The following XXYLT1 variants were observed in gnomAD, a reference collection of about 807,000 sequenced individuals.
XXYLT1 encodes UDP-xylose:alpha-xyloside alpha-1,3-xylosyltransferase.
Under a neutral mutation model 28.9 loss-of-function variants are expected in XXYLT1, and 20 were observed. That is an observed-to-expected ratio of 0.69 (90% CI 0.49 to 1.00). The LOEUF is 1.00. Among genes scored for constraint, XXYLT1 ranks in the 50% least tolerant of loss-of-function variants. XXYLT1 has a pLI of 0.00. For synonymous variants in XXYLT1, 257 were observed against 253.8 expected, an observed-to-expected ratio of 1.01 and a Z score of -0.12; for missense variants, 542 against 560.1, an observed-to-expected ratio of 0.97 and a Z score of 0.33.
At chr3:195,182,323 G>A (rs1721992880) in intron 2 of XXYLT1, among the ~76,000 whole-genome samples, 1 of 152,170 alleles carries the variant, frequency 6.6e-6, no homozygotes, top group South Asian at 2.1e-4. Context: ...AACTGTCACT[G>A]CTGCTGCTGC....
At chr3:195,175,216 A>G (rs1025427021) in intron 2 of XXYLT1, among the ~76,000 whole-genome samples, 8 of 152,172 alleles carry the variant, frequency 5.3e-5, no homozygotes, top group African/African-American at 1.4e-4. Flanking sequence ...CACAGGCAGT[A>G]ATGCTCGGCC....
At chr3:195,093,714 T>TAAAA in intron 3 of XXYLT1, 1 of 151,972 alleles carries the variant, frequency 6.6e-6, no homozygotes, top group African/African-American at 2.4e-5. Flanking sequence ...AATAAATAAA[T>TAAAA]AAAATTAGAT....
rs183568146 is a variant in XXYLT1, at chr3:195,101,893, A to C, written c.786-31782T>G. On this transcript the variant is annotated intron_variant, in intron 3 of 3. Transcript: ENST00000310380. ...AGGAAACAGAAAAAAAGGAAGAAAC[A>C]AAGAGGAACGGAGGAAAGGAGGAAA... Among the ~76,000 whole-genome samples the C allele has an allele frequency of 5.6e-3, 755 of 135,212 alleles. 6 individuals carry two copies. Among genetic ancestry groups the C allele is most frequent in the African/African-American group, 0.02 (722 of 36,232 alleles). 88.7% of individuals were successfully genotyped at this position (135,212 alleles called of 152,430 possible).
At chr3:195,238,675 C>T (rs569569513) in intron 1 of XXYLT1, among the ~76,000 whole-genome samples, 21 of 152,276 alleles carry the variant, frequency 1.4e-4, no homozygotes, top group African/African-American at 4.1e-4. Flanking sequence ...ACATTGAGCC[C>T]GGGGGTTGCC....
At chr3:195,114,236 C>T (rs1185312053) in intron 3 of XXYLT1, among the ~76,000 whole-genome samples, 1 of 152,214 alleles carries the variant, frequency 6.6e-6, no homozygotes, top group Non-Finnish European at 1.5e-5. Context: ...GGGTGGCCCC[C>T]TTCTCGCTCC....
intron 2 of XXYLT1, among the ~76,000 whole-genome samples, chr3:195,208,421 C>T (rs1442748843): frequency 2.6e-5 from 4 of 152,114 alleles, no homozygotes; most frequent in Non-Finnish European, 5.9e-5. Context: ...AGAGGCCCAG[C>T]TGGCTGCGTG....
intron 1 of XXYLT1, chr3:195,270,210 G>C: frequency 1.8e-6 from 1 of 549,814 alleles, no homozygotes; most frequent in South Asian, 1.6e-5. Flanking sequence ...CAAAAACTGA[G>C]GAACATAAAC....
intron 3 of XXYLT1, among the ~76,000 whole-genome samples, chr3:195,083,836 G>A (rs1715574768): frequency 6.6e-6 from 1 of 152,076 alleles, no homozygotes; most frequent in African/African-American, 2.4e-5. Context: ...GACCAGCCCG[G>A]CCAACACAGC....
chr3:195,101,592 A>G (rs745855284), intron 3 of XXYLT1, among the ~76,000 whole-genome samples: 1 of 152,196 alleles, frequency 6.6e-6, no homozygotes, highest in African/African-American at 2.4e-5. Context: ...AGCTCTAATT[A>G]ACATATTTCC....
intron 3 of XXYLT1, among the ~76,000 whole-genome samples, chr3:195,071,760 A>C (rs1714828635): frequency 6.6e-6 from 1 of 152,060 alleles, no homozygotes; most frequent in Non-Finnish European, 1.5e-5. Flanking sequence ...CCAGGTTATA[A>C]AGCAGCTAAA....
chr3:195,121,747 G>A (rs758262891), intron 3 of XXYLT1, among the ~76,000 whole-genome samples: 1 of 152,116 alleles, frequency 6.6e-6, no homozygotes, highest in East Asian at 1.9e-4. Flanking sequence ...TCGCCAGGTC[G>A]GGGACTCAGG....
At chr3:195,175,878 G>C in intron 2 of XXYLT1, 1 of 1,408,678 alleles carries the variant, frequency 7.1e-7, no homozygotes, top group East Asian at 2.6e-5. Context: ...CATCCAGTGT[G>C]ACATTTGTGT....
At chr3:195,182,531 G>T (rs56283237) in intron 2 of XXYLT1, among the ~76,000 whole-genome samples, 17,322 of 152,096 alleles carry the variant, frequency 0.11, 1,289 homozygotes, top group African/African-American at 0.22. Flanking sequence ...CTCACTAGAC[G>T]AGCACAGTGT....
At chr3:195,070,383 C>T (rs536612904) in intron 3 of XXYLT1, among the ~76,000 whole-genome samples, 1 of 152,104 alleles carries the variant, frequency 6.6e-6, no homozygotes, top group South Asian at 2.1e-4. Flanking sequence ...CCATACTAGA[C>T]CGGCTTACTT....
intron 2 of XXYLT1, among the ~76,000 whole-genome samples, chr3:195,217,210 T>G (rs1187170036): frequency 5.7e-5 from 2 of 34,824 alleles, no homozygotes; most frequent in Non-Finnish European, 8.4e-5. Context: ...AATATCATAC[T>G]GAATGGGCAA....
At chr3:195,109,293 C>T (rs534036309) in intron 3 of XXYLT1, among the ~76,000 whole-genome samples, 3 of 152,242 alleles carry the variant, frequency 2.0e-5, no homozygotes, top group East Asian at 1.9e-4. Flanking sequence ...GGCACACTCT[C>T]GAGAAGGCGG....
intron 1 of XXYLT1, among the ~76,000 whole-genome samples, chr3:195,232,845 G>C (rs1724359233): frequency 6.6e-6 from 1 of 152,212 alleles, no homozygotes; most frequent in South Asian, 2.1e-4. Context: ...AGAAGAATGT[G>C]TATTCTGCAA....
chr3:195,184,994 C>G (rs1722113474), intron 2 of XXYLT1, among the ~76,000 whole-genome samples: 1 of 151,994 alleles, frequency 6.6e-6, no homozygotes, highest in Non-Finnish European at 1.5e-5. Context: ...TCAGGAGGGC[C>G]TGGCACCCCT....
At chr3:195,130,906 G>A (rs998218350) in intron 3 of XXYLT1, among the ~76,000 whole-genome samples, 1 of 152,020 alleles carries the variant, frequency 6.6e-6, no homozygotes, top group Admixed American at 6.5e-5. Context: ...TGTCCCATAC[G>A]CTCCGAAAAA....
Sources: allele counts gnomAD v4.1 joint callset (sites outside exome capture counted in the v4.1 genomes callset), GRCh38; gene constraint gnomAD v4.1.1; transcripts MANE v1.5; gene names NCBI Gene and HGNC (gene_info 2026-07-23, HGNC 2026-07-21).